OPCML: variants seen among roughly 807,000 people sequenced by gnomAD.
OPCML encodes opioid-binding protein/cell adhesion molecule.
A neutral mutation model predicts 37.8 loss-of-function variants in OPCML; 13 were observed. The ratio of observed to expected loss-of-function variants is 0.34; its 90% CI spans 0.22 to 0.55. The LOEUF (loss-of-function observed/expected upper bound fraction) is 0.55, where lower values mean the gene tolerates loss of function less well. Among genes scored for constraint, OPCML ranks in the 20% least tolerant of loss-of-function variants. The probability of loss-of-function intolerance (pLI) is 0.91; values close to 1 mark genes in which losing one functional copy is unlikely to be tolerated. For missense variants in OPCML, 341 were observed against 435.6 expected, an observed-to-expected ratio of 0.78 and a Z score of 1.93; for synonymous variants, 176 against 168.8, an observed-to-expected ratio of 1.04 and a Z score of -0.33.
chr11:132,564,834 G>C (rs934834885), intron 3 of OPCML, among the ~76,000 whole-genome samples: 1 of 152,190 alleles, frequency 6.6e-6, no homozygotes, highest in African/African-American at 2.4e-5. Context: ...AAAGTCAACG[G>C]GGTATGGTAG....
At chr11:132,673,608 G>T (rs1942571504) in intron 2 of OPCML, among the ~76,000 whole-genome samples, 1 of 152,084 alleles carries the variant, frequency 6.6e-6, no homozygotes, top group African/African-American at 2.4e-5. Flanking sequence ...GCCCTATTTT[G>T]AAAGGGGTCA....
intron 1 of OPCML, among the ~76,000 whole-genome samples, chr11:133,453,376 G>C (rs1046434712): frequency 6.6e-6 from 1 of 152,268 alleles, no homozygotes; most frequent in Middle Eastern, 3.4e-3. Context: ...TTGGATGCTA[G>C]AATGTTAAAC....
At chr11:132,774,251 G>C (rs1237682556) in intron 2 of OPCML, among the ~76,000 whole-genome samples, 1 of 152,142 alleles carries the variant, frequency 6.6e-6, no homozygotes, top group East Asian at 1.9e-4. Context: ...GGTCTACCCT[G>C]CCCTGCTGTT....
At chr11:133,486,110 T>C (rs767136376) in intron 1 of OPCML, among the ~76,000 whole-genome samples, 2 of 152,160 alleles carry the variant, frequency 1.3e-5, no homozygotes, top group Non-Finnish European at 2.9e-5. Context: ...AATTAAGTCT[T>C]TGTGCAAAAA....
At chr11:132,543,150 A>G (rs2096361070) in intron 3 of OPCML, among the ~76,000 whole-genome samples, 1 of 152,178 alleles carries the variant, frequency 6.6e-6, no homozygotes, top group Non-Finnish European at 1.5e-5. Flanking sequence ...CAGATGATAG[A>G]GCTATCTTCA....
At chr11:133,199,453 A>G (rs59221458) in intron 1 of OPCML, among the ~76,000 whole-genome samples, 21,176 of 152,196 alleles carry the variant, frequency 0.14, 1,744 homozygotes, top group African/African-American at 0.23. Flanking sequence ...ATGACGCTAC[A>G]GTCGCCTAGT....
At chr11:132,716,412 G>GTCTATCTATCTATCTA (rs61519269) in intron 2 of OPCML, among the ~76,000 whole-genome samples, 1 of 103,968 alleles carries the variant, frequency 9.6e-6, no homozygotes, top group African/African-American at 4.4e-5. Context: ...CTATCTGTCT[G>GTCTATCTATCTATCTA]TCTATCTATC....
chr11:132,531,958 T>C (rs982759511), intron 3 of OPCML, among the ~76,000 whole-genome samples: 1 of 152,060 alleles, frequency 6.6e-6, no homozygotes, highest in East Asian at 1.9e-4. Context: ...GGCTCCCTGA[T>C]AGTAAGTTAC....
At chr11:133,140,988 A>AGACGAAGAC (rs1164695989) in intron 1 of OPCML, among the ~76,000 whole-genome samples, 1 of 4,430 alleles carries the variant, frequency 2.3e-4, no homozygotes, top group African/African-American at 3.8e-4. Context: ...AAGAAGAAGA[A>AGACGAAGAC]GAAGAAGAAG....
intron 4 of OPCML, among the ~76,000 whole-genome samples, chr11:132,463,080 G>T (rs1314392503): frequency 6.6e-6 from 1 of 152,140 alleles, no homozygotes. Context: ...CCAGAACTTT[G>T]GAAGATTTGA....
chr11:132,641,455 T>C (rs1248467143), intron 3 of OPCML, among the ~76,000 whole-genome samples: 1 of 152,140 alleles, frequency 6.6e-6, no homozygotes, highest in Non-Finnish European at 1.5e-5. Context: ...TGAGTTTCCT[T>C]TGAACATTGC....
At chr11:133,011,610 T>C (rs1947215413) in intron 1 of OPCML, among the ~76,000 whole-genome samples, 1 of 151,904 alleles carries the variant, frequency 6.6e-6, no homozygotes, top group Non-Finnish European at 1.5e-5. Flanking sequence ...TTTTTTTTTT[T>C]CCAGGTATAT....
At chr11:132,891,385 C>T (rs973229282) in intron 2 of OPCML, among the ~76,000 whole-genome samples, 3 of 152,092 alleles carry the variant, frequency 2.0e-5, no homozygotes, top group African/African-American at 7.2e-5. Flanking sequence ...TTGCCCAGGA[C>T]TCCGTATTAT....
At chr11:133,453,317 A>G (rs1165410727) in intron 1 of OPCML, among the ~76,000 whole-genome samples, 1 of 152,188 alleles carries the variant, frequency 6.6e-6, no homozygotes, top group Non-Finnish European at 1.5e-5. Flanking sequence ...TTAAAAACCC[A>G]TTTATCTAAT....
rs753058507 is a variant in OPCML, at chr11:133,030,915, A to AAT, written c.62-87907_62-87906dup. Among the ~76,000 whole-genome samples the AAT allele has an allele frequency of 5.3e-5, 8 of 152,144 alleles. No homozygotes were observed. In the East Asian group the frequency reaches 7.7e-4, roughly 15 times the overall value. On this transcript the variant is annotated intron_variant, in intron 1 of 7. Transcript: ENST00000524381. ...TTTTTTCCAAAGAAGGCATTATAACAATATATATTTAAAAGTCTCACTAAA... is the reference window on the plus strand; with the variant it reads ...TTTTTTCCAAAGAAGGCATTATAACAATATATATATTTAAAAGTCTCACTAAA...
In OPCML at chr11:133,532,247, C is replaced by T. The variant is rs117900389; in HGVS notation, c.61+17G>A. The T allele has an allele frequency of 0.015, 24,900 of 1,613,200 alleles. 246 individuals carry two copies. Among genetic ancestry groups the T allele is most frequent in the Middle Eastern group, 0.025 (152 of 6,062 alleles). ...AATCACCCCAGGGAGAGAAAACACCCTTCCCCTGTACGGTACCTGGGATGA... is the reference window on the plus strand; with the variant it reads ...AATCACCCCAGGGAGAGAAAACACCTTTCCCCTGTACGGTACCTGGGATGA... On this transcript the variant is annotated intron_variant, in intron 1 of 7. Coordinates refer to ENST00000524381, the MANE Select transcript of OPCML (RefSeq NM_001012393.5).
chr11:132,676,789 G>GAAAAAAA (rs1196087295), intron 2 of OPCML, among the ~76,000 whole-genome samples: 2 of 93,810 alleles, frequency 2.1e-5, no homozygotes, highest in Admixed American at 1.1e-4. Context: ...AAACAAACAA[G>GAAAAAAA]AAAAAAAAAA....
chr11:133,092,816 C>A (rs1948929100), intron 1 of OPCML, among the ~76,000 whole-genome samples: 1 of 151,658 alleles, frequency 6.6e-6, no homozygotes, highest in South Asian at 2.1e-4. Context: ...GATAAAGGAG[C>A]AAATGGTGGA....
At chr11:133,498,598 G>C (rs987709597) in intron 1 of OPCML, among the ~76,000 whole-genome samples, 1 of 152,156 alleles carries the variant, frequency 6.6e-6, no homozygotes, top group African/African-American at 2.4e-5. Flanking sequence ...TCTGGCTAAA[G>C]CTTAACAGTT....
Sources: gnomAD v4.1 joint callset for allele counts (sites outside exome capture counted in the v4.1 genomes callset) on GRCh38, gnomAD v4.1.1 for gene constraint, MANE v1.5 for transcripts, NCBI Gene and HGNC (gene_info 2026-07-23, HGNC 2026-07-21) for gene names.